GPR149: variants seen among roughly 807,000 people sequenced by gnomAD.
The protein encoded by GPR149 is probable G protein-coupled receptor 149.
In GPR149, 50 loss-of-function variants were observed where a neutral mutation model predicts 50.2. The observed-to-expected ratio is 1.00, with a 90% CI of 0.79 to 1.26. GPR149 has a LOEUF of 1.26. Ranked by LOEUF, GPR149 falls within the 50% of genes most tolerant of loss-of-function variation. The probability of loss-of-function intolerance (pLI) is 0.00; values close to 1 mark genes in which losing one functional copy is unlikely to be tolerated. For missense variants in GPR149, 983 were observed against 895.4 expected (o/e 1.10, Z -1.25); for synonymous variants, 405 against 358.2 (o/e 1.13, Z -1.48).
chr3:154,408,616 T>C (rs951434811), intron 3 of GPR149, among the ~76,000 whole-genome samples: 5 of 152,112 alleles, frequency 3.3e-5, no homozygotes, highest in Admixed American at 6.6e-5. Flanking sequence ...AATCCTCTCC[T>C]TGGGAATATA....
Position 154,339,135 on chromosome 3 carries a change from G to A in GPR149, c.1624-864C>T, listed in dbSNP as rs79683719. On this transcript the variant is annotated intron_variant, in intron 3 of 3. Transcript: ENST00000389740. ...GATGATAATGTACCAAACTTCTAGAGCAGTAATTCTCAAAACTGAGTTTCC... is the reference window on the plus strand; with the variant it reads ...GATGATAATGTACCAAACTTCTAGAACAGTAATTCTCAAAACTGAGTTTCC... 1.2e-4 allele frequency among the ~76,000 whole-genome samples: 19 copies of A among 152,288 alleles called. No homozygotes were observed. In the East Asian group the frequency reaches 2.3e-3, roughly 19 times the overall value.
chr3:154,430,141 G>GAC lies in GPR149; in HGVS notation c.-527_-526insGT, dbSNP rs1015814775. On this transcript the variant is annotated 5_prime_UTR_variant, in exon 1 of 4. Coordinates refer to ENST00000389740, the MANE Select transcript of GPR149 (RefSeq NM_001038705.3). ...GAAGGTGGAGAGAGAGAGAGAGACAGAGAGAGAGAGAGAGAGGGCGAGCGC... is the reference window on the plus strand; with the variant it reads ...GAAGGTGGAGAGAGAGAGAGAGACAGACAGAGAGAGAGAGAGAGGGCGAGCGC... Among the ~76,000 whole-genome samples the GAC allele has an allele frequency of 4.2e-5, 4 of 94,672 alleles. No homozygotes were observed. The highest frequency in any genetic ancestry group is 1.8e-4 in the African/African-American group (4 of 21,734). 62.1% of individuals were successfully genotyped at this position (94,672 alleles called of 152,430 possible).
chr3:154,423,887 T>G (rs1226854291), intron 2 of GPR149, among the ~76,000 whole-genome samples: 2 of 151,820 alleles, frequency 1.3e-5, no homozygotes, highest in African/African-American at 4.8e-5. Context: ...CTAGGGTACA[T>G]GTGCACAACG....
intron 3 of GPR149, among the ~76,000 whole-genome samples, chr3:154,392,374 A>ACAAACAAAAAAACC (rs1329515196): frequency 1.6e-4 from 24 of 151,458 alleles, no homozygotes; most frequent in Admixed American, 2.6e-4. Flanking sequence ...AAACAAACAA[A>ACAAACAAAAAAACC]CAAACAAAAA....
At chr3:154,400,449 T>TA (rs1295404819) in intron 3 of GPR149, among the ~76,000 whole-genome samples, 1 of 152,214 alleles carries the variant, frequency 6.6e-6, no homozygotes, top group East Asian at 1.9e-4. Flanking sequence ...AGTATCCTTT[T>TA]CAATATTCTT....
At chr3:154,371,603 G>T (rs1365086540) in intron 3 of GPR149, among the ~76,000 whole-genome samples, 2 of 152,152 alleles carry the variant, frequency 1.3e-5, no homozygotes, top group African/African-American at 4.8e-5. Flanking sequence ...TTCTCTAGCT[G>T]CAGTAGTCCT....
chr3:154,337,523 T>G lies in GPR149; in HGVS notation c.*176A>C. The G allele has an allele frequency of 2.2e-6, 1 of 459,772 alleles. No individual in the cohort carries two copies. Among genetic ancestry groups the G allele is most frequent in the South Asian group, 6.8e-5 (1 of 14,622 alleles). The allele number at this position is 459,772 out of a possible 1,614,324, so 28.5% of individuals were successfully genotyped here. A position where few individuals can be genotyped will look rare whatever the true frequency, so the allele number is the denominator to read the frequency against. On this transcript the variant is annotated 3_prime_UTR_variant, in exon 4 of 4. Transcript: ENST00000389740. Reference sequence around the variant, plus strand: ...CAGTGTGTGATCTTTAGGTAACACATCAAATGCACTTAAGTGTTTACACTA... The same window carrying G: ...CAGTGTGTGATCTTTAGGTAACACAGCAAATGCACTTAAGTGTTTACACTA...
At chr3:154,341,292 CATATATATATATATAT>C (rs373212063) in intron 3 of GPR149, among the ~76,000 whole-genome samples, 3,568 of 72,886 alleles carry the variant, frequency 0.049, 139 homozygotes, top group Non-Finnish European at 0.064. Flanking sequence ...AAAAATAAGA[CATATATATATATATAT>C]ATATATATAT....
chr3:154,339,892 C>T (rs2108382784), intron 3 of GPR149, among the ~76,000 whole-genome samples: 1 of 145,562 alleles, frequency 6.9e-6, no homozygotes, highest in Admixed American at 7.2e-5. Flanking sequence ...TGAGTTCGTG[C>T]CATTCTCCTG....
Position 154,425,890 on chromosome 3 carries a change from G to A in GPR149, c.1174+1626C>T, listed in dbSNP as rs373997288. Among the ~76,000 whole-genome samples the A allele has an allele frequency of 4.5e-4, 69 of 152,150 alleles. 7 individuals carry two copies. In the East Asian group the frequency reaches 5.4e-3, roughly 12 times the overall value. On this transcript the variant is annotated intron_variant, in intron 2 of 3. Coordinates refer to ENST00000389740, the MANE Select transcript of GPR149 (RefSeq NM_001038705.3). ...AAGTCTGTTGTTTGCTTTGTTTTCA[G>A]CTCTGAGATGGGTGGTCCCCACTTC...
chr3:154,367,460 C>T (rs1438562846), intron 3 of GPR149, among the ~76,000 whole-genome samples: 1 of 152,126 alleles, frequency 6.6e-6, no homozygotes, highest in African/African-American at 2.4e-5. Flanking sequence ...ATCCTGTCTC[C>T]TTTGCCATGC....
chr3:154,363,902 C>T (rs1714472109), intron 3 of GPR149, among the ~76,000 whole-genome samples: 1 of 152,246 alleles, frequency 6.6e-6, no homozygotes, highest in Non-Finnish European at 1.5e-5. Flanking sequence ...TAAAATTCTA[C>T]TCTGCCTTAC....
intron 2 of GPR149, 39 bp from the exon 3 acceptor site, chr3:154,421,526 G>T: frequency 1.8e-6 from 2 of 1,105,692 alleles, no homozygotes; most frequent in Non-Finnish European, 2.5e-6. Flanking sequence ...GGCTAGTAAG[G>T]TAGATAAAGA....
chr3:154,338,528 G>T (rs1353114814), intron 3 of GPR149, among the ~76,000 whole-genome samples: 1 of 152,174 alleles, frequency 6.6e-6, no homozygotes, highest in Non-Finnish European at 1.5e-5. Flanking sequence ...CCAGTTAAAG[G>T]CAAAGGTGTG....
chr3:154,420,975 T>C, intron 3 of GPR149, 64 bp downstream of exon 3: 1 of 1,186,108 alleles, frequency 8.4e-7, no homozygotes, highest in Non-Finnish European at 1.2e-6. Context: ...ACTGATAATG[T>C]TTTTCATGAC....
At chr3:154,422,565 C>T (rs1202522519) in intron 2 of GPR149, among the ~76,000 whole-genome samples, 1 of 151,614 alleles carries the variant, frequency 6.6e-6, no homozygotes, top group Non-Finnish European at 1.5e-5. Context: ...AAAATTTGAT[C>T]CATTTTGCAA....
intron 3 of GPR149, among the ~76,000 whole-genome samples, chr3:154,412,653 T>C (rs1711869819): frequency 6.6e-6 from 1 of 152,014 alleles, no homozygotes; most frequent in Non-Finnish European, 1.5e-5. Context: ...AGATCATAGA[T>C]GACACAAGCA....
At chr3:154,396,893 T>C (rs965759069) in intron 3 of GPR149, among the ~76,000 whole-genome samples, 1 of 151,124 alleles carries the variant, frequency 6.6e-6, no homozygotes, top group Non-Finnish European at 1.5e-5. Flanking sequence ...TTTATTTTTA[T>C]TATATTATAT....
chr3:154,397,008 C>G (rs1320468159), intron 3 of GPR149, among the ~76,000 whole-genome samples: 1 of 151,866 alleles, frequency 6.6e-6, no homozygotes, highest in Non-Finnish European at 1.5e-5. Context: ...AGCCTTGTAA[C>G]TTGGGTGTTT....
Sources: allele counts gnomAD v4.1 joint callset (sites outside exome capture counted in the v4.1 genomes callset), GRCh38; gene constraint gnomAD v4.1.1; transcripts MANE v1.5; gene names NCBI Gene and HGNC (gene_info 2026-07-23, HGNC 2026-07-21).